The following NHSL1 variants were observed in gnomAD, a reference collection of about 807,000 sequenced individuals.
NHSL1 encodes the protein NHS-like protein 1.
NHSL1 carries 48 observed loss-of-function variants against 95.0 expected under a neutral mutation model. That is an observed-to-expected ratio of 0.51 (90% CI 0.40 to 0.64). NHSL1 has a LOEUF of 0.64. NHSL1 is among the 30% of genes least tolerant of loss of function. NHSL1 has a pLI of 0.00. For missense variants in NHSL1, 1,971 were observed against 2,077.7 expected (o/e 0.95, Z 1.00); for synonymous variants, 783 against 833.9 (o/e 0.94, Z 1.05).
At chr6:138,527,635 C>A (rs1057180193) in intron 1 of NHSL1, among the ~76,000 whole-genome samples, 1 of 152,172 alleles carries the variant, frequency 6.6e-6, no homozygotes, top group African/African-American at 2.4e-5. Context: ...TACCAATCCA[C>A]TTAGGAGACT....
rs867304279 is a variant in NHSL1, at chr6:138,542,789, G to T, written c.16+2834C>A. 5.3e-5 allele frequency among the ~76,000 whole-genome samples: 8 copies of T among 151,872 alleles called. 1 individual carries two copies. The highest frequency in any genetic ancestry group is 3.4e-3 in the Middle Eastern group (1 of 294). ...TCTTTAAACATTTTTTTCGAGACAG[G>T]GTCTCACTCTATTGCCCAGGCTAGA... On this transcript the variant is annotated intron_variant, in intron 1 of 4. Transcript: ENST00000342260.
chr6:138,535,661 G>C (rs937868714), intron 1 of NHSL1, among the ~76,000 whole-genome samples: 1 of 152,120 alleles, frequency 6.6e-6, no homozygotes, highest in East Asian at 1.9e-4. Flanking sequence ...CCACGAAATG[G>C]GGAAGTCTGC....
chr6:138,432,010 G>T lies in NHSL1; in HGVS notation c.2335C>A (p.Pro779Thr). Residue 779 changes from proline (P) to threonine (T), a missense_variant, in exon 6 of 8, where the codon CCC becomes ACC. Coordinates refer to ENST00000343505, the MANE Select transcript of NHSL1 (RefSeq NM_001144060.2). The surrounding 1 kb of genome is among the most constrained non-coding windows in gnomAD (Gnocchi z 4.4). ...TSSVKSEYTD[P>T]WGYYIDYTGM... ...GTGTAGTCAATGTAATAACCCCAGG[G>T]GTCCGTGTACTCTGACTTGACGCTG... The T allele has an allele frequency of 1.3e-6, 2 of 1,551,726 alleles. No individual in the cohort carries two copies. Among genetic ancestry groups the T allele is most frequent in the South Asian group, 1.2e-5 (1 of 84,066 alleles).
In NHSL1 at chr6:138,541,767, C is replaced by T. The variant is rs952507714; in HGVS notation, c.16+3856G>A. Among the ~76,000 whole-genome samples the T allele has an allele frequency of 3.2e-4, 48 of 152,334 alleles. 1 individual carries two copies. The highest frequency in any genetic ancestry group is 2.1e-4 in the South Asian group (1 of 4,828). ...AAAGGAAATAAAAAGGCAACATTTT[C>T]CTTTGCATGACTGATCATAATGGGT... On this transcript the variant is annotated intron_variant, in intron 1 of 4. Coordinates refer to the NHSL1 transcript ENST00000342260.
At chr6:138,527,445 C>T (rs1781953910) in intron 1 of NHSL1, among the ~76,000 whole-genome samples, 1 of 152,110 alleles carries the variant, frequency 6.6e-6, no homozygotes, top group African/African-American at 2.4e-5. Flanking sequence ...AGTAATAAGG[C>T]TTATGAGGCT....
chr6:138,651,990 T>C (rs1785099032), intron 1 of NHSL1, among the ~76,000 whole-genome samples: 1 of 152,240 alleles, frequency 6.6e-6, no homozygotes, highest in Non-Finnish European at 1.5e-5. Context: ...ATATAGACCA[T>C]GAAACTGTAT....
chr6:138,548,043 C>T (rs2128330061), upstream of NHSL1, among the ~76,000 whole-genome samples: 2 of 152,266 alleles, frequency 1.3e-5, no homozygotes, highest in South Asian at 4.2e-4. Flanking sequence ...AGTGCAGTGG[C>T]ACGATCTTGG....
chr6:138,545,733 A>G, upstream of NHSL1: 1 of 1,251,888 alleles, frequency 8.0e-7, no homozygotes, highest in Admixed American at 2.6e-5. Context: ...CTCAGCGCTC[A>G]CTGCCAGAGA....
intron 1 of NHSL1, among the ~76,000 whole-genome samples, chr6:138,616,723 T>A (rs1784584236): frequency 1.3e-5 from 2 of 152,200 alleles, no homozygotes; most frequent in African/African-American, 4.8e-5. Context: ...GAACAGGTCT[T>A]GCTAGATCTT....
chr6:138,619,902 C>G (rs978274033), intron 1 of NHSL1, among the ~76,000 whole-genome samples: 4 of 141,100 alleles, frequency 2.8e-5, no homozygotes, highest in Non-Finnish European at 6.0e-5. Context: ...GAGCTGAGAT[C>G]GTGCCACTGC....
At chr6:138,558,366 C>T (rs1468763249) in intron 1 of NHSL1, among the ~76,000 whole-genome samples, 2 of 151,608 alleles carry the variant, frequency 1.3e-5, no homozygotes, top group Non-Finnish European at 2.9e-5. Flanking sequence ...TCGTGATCCA[C>T]CTGCGTCAGC....
chr6:138,560,711 C>T (rs1326061785), intron 1 of NHSL1, among the ~76,000 whole-genome samples: 2 of 152,122 alleles, frequency 1.3e-5, no homozygotes, highest in African/African-American at 2.4e-5. Flanking sequence ...CACAAATTGC[C>T]TTGTGTCTGC....
At chr6:138,447,482 G>A (rs546567540) in intron 3 of NHSL1, among the ~76,000 whole-genome samples, 1 of 152,214 alleles carries the variant, frequency 6.6e-6, no homozygotes, top group East Asian at 1.9e-4. Context: ...TGGTCAGAAA[G>A]CTCATGGAAT....
intron 3 of NHSL1, among the ~76,000 whole-genome samples, chr6:138,456,306 GC>G (rs999740496): frequency 2.6e-5 from 4 of 152,286 alleles, no homozygotes; most frequent in African/African-American, 9.6e-5. Flanking sequence ...TGGAAAAGCT[GC>G]CCCAAACCTA....
At chr6:138,663,703 C>T (rs1268987560) in intron 1 of NHSL1, among the ~76,000 whole-genome samples, 1 of 152,064 alleles carries the variant, frequency 6.6e-6, no homozygotes, top group East Asian at 1.9e-4. Context: ...AACCCCATCT[C>T]TACTAAAAAA....
At chr6:138,518,165 T>G (rs1217268238) in intron 1 of NHSL1, among the ~76,000 whole-genome samples, 1 of 152,230 alleles carries the variant, frequency 6.6e-6, no homozygotes, top group African/African-American at 2.4e-5. Flanking sequence ...TATTTCAGTT[T>G]TGCTTCAAAT....
At chr6:138,437,663 C>A (rs1466178892) in intron 5 of NHSL1, among the ~76,000 whole-genome samples, 1 of 151,988 alleles carries the variant, frequency 6.6e-6, no homozygotes, top group Non-Finnish European at 1.5e-5. Flanking sequence ...AAGTTGGAAA[C>A]CTGAAAAGGA....
intron 5 of NHSL1, among the ~76,000 whole-genome samples, chr6:138,440,891 A>G (rs1463616400): frequency 6.6e-6 from 1 of 152,238 alleles, no homozygotes; most frequent in East Asian, 1.9e-4. Context: ...AACTTTTGAG[A>G]GTAAATAAAA....
chr6:138,569,305 AAG>A (rs369885666), intron 1 of NHSL1, among the ~76,000 whole-genome samples: 216 of 151,150 alleles, frequency 1.4e-3, no homozygotes, highest in African/African-American at 4.6e-3. Flanking sequence ...GAGAGAGAAA[AAG>A]AGAGAGAGCG....
Sources: allele counts gnomAD v4.1 joint callset (sites outside exome capture counted in the v4.1 genomes callset), GRCh38; gene constraint gnomAD v4.1.1; non-coding constraint Gnocchi (gnomAD v3.1); transcripts MANE v1.5; gene names NCBI Gene and HGNC (gene_info 2026-07-23, HGNC 2026-07-21).